The following ZMIZ1 variants were observed in gnomAD, a reference collection of about 807,000 sequenced individuals.
The protein encoded by ZMIZ1 is zinc finger MIZ-type containing 1.
A neutral mutation model predicts 113.9 loss-of-function variants in ZMIZ1; 17 were observed. The observed-to-expected ratio is 0.15, with a 90% CI of 0.10 to 0.22. The LOEUF (loss-of-function observed/expected upper bound fraction) is 0.22, where lower values mean the gene tolerates loss of function less well. Ranked by LOEUF, ZMIZ1 falls within the 10% of genes least tolerant of loss-of-function variation. The pLI is 1.00. For missense variants in ZMIZ1, 1,059 were observed against 1,477.8 expected (o/e 0.72, Z 4.65); for synonymous variants, 607 against 603.1 (o/e 1.01, Z -0.09).
intron 7 of ZMIZ1, among the ~76,000 whole-genome samples, chr10:79,244,285 G>A (rs1192434689): frequency 6.6e-6 from 1 of 152,234 alleles, no homozygotes; most frequent in African/African-American, 2.4e-5. Flanking sequence ...CTGGCTAGAG[G>A]AGAGAGGTGG....
rs763938188 is a variant in ZMIZ1, at chr10:79,300,924, C to T, written c.2001C>T (p.Thr667=). 36 of 1,611,104 alleles carry T rather than the reference C, an allele frequency of 2.2e-5. No homozygotes were observed. The highest frequency in any genetic ancestry group is 8.8e-5 in the South Asian group (8 of 91,070). Residue 667 remains threonine (T), a synonymous_variant, in exon 17 of 25, where the codon ACC becomes ACT. Coordinates refer to ENST00000334512, the MANE Select transcript of ZMIZ1 (RefSeq NM_020338.4). ...CQPGRNTIQI[T]VTACCCSHLF... ...CGGGCCGCAACACCATCCAGATCACCGTCACGGCCTGCTGCTGCGTGAGTG... is the reference window on the plus strand; with the variant it reads ...CGGGCCGCAACACCATCCAGATCACTGTCACGGCCTGCTGCTGCGTGAGTG...
chr10:79,093,315 T>C (rs1843055405), intron 1 of ZMIZ1, among the ~76,000 whole-genome samples: 2 of 72,436 alleles, frequency 2.8e-5, no homozygotes, highest in Non-Finnish European at 6.9e-5. Context: ...ATTTATTTAT[T>C]TATTTATTTA....
chr10:79,120,063 G>C (rs551793162), intron 2 of ZMIZ1, among the ~76,000 whole-genome samples: 1 of 152,258 alleles, frequency 6.6e-6, no homozygotes, highest in South Asian at 2.1e-4. Context: ...GGAGAATTCT[G>C]GGGAGGTGAC....
chr10:79,120,827 T>C (rs901845447), intron 2 of ZMIZ1, among the ~76,000 whole-genome samples: 8 of 152,210 alleles, frequency 5.3e-5, no homozygotes, highest in Non-Finnish European at 7.3e-5. Context: ...CTCTGAATCA[T>C]GGGCATGACA....
At chr10:79,085,104 C>T (rs1053992088) in intron 1 of ZMIZ1, among the ~76,000 whole-genome samples, 2 of 152,156 alleles carry the variant, frequency 1.3e-5, no homozygotes, top group Non-Finnish European at 2.9e-5. Context: ...CCTGTGGTGG[C>T]CCCAGAGGCT....
Position 79,314,432 on chromosome 10 carries a change from G to A in ZMIZ1, c.*1683G>A, listed in dbSNP as rs926075142. 1.1e-5 allele frequency: 4 copies of A among 351,100 alleles called. No individual in the cohort carries two copies. Among genetic ancestry groups the A allele is most frequent in the African/African-American group, 6.4e-5 (3 of 46,652 alleles). 21.7% of individuals were successfully genotyped at this position (351,100 alleles called of 1,614,324 possible). On this transcript the variant is annotated 3_prime_UTR_variant, in exon 25 of 25. Transcript: ENST00000334512. ...TTGACTTCCAGTCACTGTCCCAGAC[G>A]GCACAAGGTTTTCTGTAGGAAAGCT...
rs537258537 is a variant in ZMIZ1 at position 79,093,789 on chromosome 10, G to C, written c.-337+24519G>C. Reference sequence around the variant, plus strand: ...TCCCATGCCCTTGCGTGCCTCTTCAGGGCCTCTCTCTGGGCCATCCCTGCC... The same window carrying C: ...TCCCATGCCCTTGCGTGCCTCTTCACGGCCTCTCTCTGGGCCATCCCTGCC... On this transcript the variant is annotated intron_variant, in intron 1 of 24. Coordinates refer to ENST00000334512, the MANE Select transcript of ZMIZ1 (RefSeq NM_020338.4). 1.4e-3 allele frequency among the ~76,000 whole-genome samples: 211 copies of C among 152,312 alleles called. 4 individuals are homozygous for C. The South Asian group carries it at 0.018, about 13-fold the overall frequency.
intron 3 of ZMIZ1, among the ~76,000 whole-genome samples, chr10:79,149,597 A>G (rs1301186113): frequency 6.6e-6 from 1 of 152,130 alleles, no homozygotes; most frequent in Admixed American, 6.5e-5. Flanking sequence ...AGGCATGCCA[A>G]GTCAGGGTGG....
intron 7 of ZMIZ1, among the ~76,000 whole-genome samples, chr10:79,224,419 A>T (rs576328815): frequency 6.6e-6 from 1 of 152,260 alleles, no homozygotes; most frequent in East Asian, 1.9e-4. Flanking sequence ...TTCCTAGCGC[A>T]GCCCTCTCTG....
intron 11 of ZMIZ1, 41 bp from the exon 12 acceptor site, chr10:79,293,337 CTTT>C: frequency 7.4e-7 from 1 of 1,350,508 alleles, no homozygotes; most frequent in Non-Finnish European, 9.9e-7. Context: ...GCATTTTATT[CTTT>C]TTTTTTTCTT....
At position 79,300,873 on chromosome 10, in the gene ZMIZ1, C is replaced by A. The variant is rs1374445127; in HGVS notation, c.1950C>A (p.Pro650=). Residue 650 remains proline (P), a synonymous_variant, in exon 17 of 25, where the codon CCC becomes CCA. Transcript: ENST00000334512. ...GCGACAACAAGACCTCCCACAAGCC[C>A]CTGCACCTGAAGCACGTGTGCCAGC... is the stretch of plus-strand genomic sequence containing the variant. ...ERGDNKTSHK[P]LHLKHVCQPG... 1 of 1,613,474 alleles carries A rather than the reference C, an allele frequency of 6.2e-7. No individual in the cohort carries two copies.
intron 7 of ZMIZ1, among the ~76,000 whole-genome samples, chr10:79,247,962 C>CCTCATCTTTAT (rs1343286462): frequency 6.6e-6 from 1 of 152,208 alleles, no homozygotes; most frequent in African/African-American, 2.4e-5. Context: ...CTCATCTCTG[C>CCTCATCTTTAT]CTCATCTTTA....
At position 79,293,478 on chromosome 10, in the gene ZMIZ1, C is replaced by T. The variant is rs201265689; in HGVS notation, c.1055C>T (p.Ala352Val). 1.6e-5 allele frequency: 25 copies of T among 1,572,120 alleles called. No individual in the cohort carries two copies. Among genetic ancestry groups the T allele is most frequent in the Admixed American group, 7.1e-5 (4 of 55,984 alleles). The change falls in exon 12 of 25, where the codon GCG (alanine) becomes GTG (valine). Residue 352 changes from alanine (A) to valine (V), a missense_variant. By Grantham distance (64) the Ala-to-Val change is moderately conservative. Transcript: ENST00000334512. The part of the protein sequence containing the change: ...MGGSMNPASM[A>V]AGMTPSGMSG... ...GGCAGCATGAACCCCGCGAGCATGGCGGCTGGCATGACGCCCTCGGGGATG... is the reference window on the plus strand; with the variant it reads ...GGCAGCATGAACCCCGCGAGCATGGTGGCTGGCATGACGCCCTCGGGGATG...
rs960762211 is a variant in ZMIZ1 at position 79,313,223 on chromosome 10, G to T, written c.*474G>T. On this transcript the variant is annotated 3_prime_UTR_variant, in exon 25 of 25. Transcript: ENST00000334512. Reference sequence around the variant, plus strand: ...AGAAGGCCCCCGGGCCCCAGCATGGGCCCCGAGCCTTGGAGGAGCACTGGC... The same window carrying T: ...AGAAGGCCCCCGGGCCCCAGCATGGTCCCCGAGCCTTGGAGGAGCACTGGC... 1.9e-5 allele frequency: 3 copies of T among 158,934 alleles called. No individual in the cohort carries two copies. In the South Asian group the frequency reaches 5.4e-4, roughly 29 times the overall value. 9.8% of individuals were successfully genotyped at this position (158,934 alleles called of 1,614,324 possible).
intron 3 of ZMIZ1, among the ~76,000 whole-genome samples, chr10:79,158,759 G>A (rs1432462372): frequency 6.6e-6 from 1 of 152,194 alleles, no homozygotes; most frequent in Non-Finnish European, 1.5e-5. Flanking sequence ...TAGATATGAT[G>A]GGGGGAACCC....
At chr10:79,200,339 AG>A (rs1337234634) in intron 4 of ZMIZ1, among the ~76,000 whole-genome samples, 1 of 152,188 alleles carries the variant, frequency 6.6e-6, no homozygotes. Context: ...AGGGCTGTAC[AG>A]TCCTTCCTCT....
intron 1 of ZMIZ1, among the ~76,000 whole-genome samples, chr10:79,093,135 AACACACACACACACACAC>A (rs5786379): frequency 9.3e-6 from 1 of 107,956 alleles, no homozygotes; most frequent in Admixed American, 9.4e-5. Context: ...CCCCACCCCC[AACACACACACACACACAC>A]ACACACACAC....
chr10:79,306,150 T>C lies in ZMIZ1; in HGVS notation c.2474T>C (p.Val825Ala), dbSNP rs2132087982. Residue 825 changes from valine (V) to alanine (A), a missense_variant, in exon 22 of 25, where the codon GTG becomes GCG. Physicochemically the swap from Val to Ala is moderately conservative, Grantham distance 64. This residue lies in a region of ZMIZ1 where 217 missense variants were observed against 426.9 expected (regional missense o/e 0.51). Transcript: ENST00000334512. The stretch of plus-strand genomic sequence containing the variant: ...GATCCCACGTGCAGCTGGCGGCCGG[T>C]GCCCATCAAGTCGGACTTACACATC... ...TIDPTCSWRPVPIKSDLHIKD... is the reference protein window; with the variant it reads ...TIDPTCSWRPAPIKSDLHIKD... The C allele has an allele frequency of 1.9e-6, 3 of 1,613,990 alleles. No individual in the cohort carries two copies. Among genetic ancestry groups the C allele is most frequent in the Non-Finnish European group, 2.5e-6 (3 of 1,180,014 alleles).
intron 1 of ZMIZ1, among the ~76,000 whole-genome samples, chr10:79,072,154 C>T (rs1449576297): frequency 6.6e-6 from 1 of 152,178 alleles, no homozygotes; most frequent in Non-Finnish European, 1.5e-5. Context: ...TGTCCCTTTT[C>T]CCTCCTAAGC....
Sources: gnomAD v4.1 joint callset for allele counts (sites outside exome capture counted in the v4.1 genomes callset) on GRCh38, gnomAD v4.1.1 for gene constraint, gnomAD v4.1.1 regional missense constraint, MANE v1.5 for transcripts, NCBI Gene and HGNC (gene_info 2026-07-23, HGNC 2026-07-21) for gene names.